LTBP4: variants seen among roughly 807,000 people sequenced by gnomAD.
The protein encoded by LTBP4 is latent-transforming growth factor beta-binding protein 4.
Under a neutral mutation model 180.2 loss-of-function variants are expected in LTBP4, and 93 were observed. The observed-to-expected ratio is 0.52, with a 90% CI of 0.44 to 0.61. The LOEUF is 0.61. LTBP4 is among the 20% of genes least tolerant of loss of function. The pLI, the probability that LTBP4 is intolerant of heterozygous loss-of-function variation, is 0.00. For missense variants in LTBP4, 2,116 were observed against 2,256.5 expected (o/e 0.94, Z 1.26); for synonymous variants, 947 against 934.5 (o/e 1.01, Z -0.24).
chr19:40,616,590 A>G lies in LTBP4; in HGVS notation c.2813-299A>G, dbSNP rs10403467. On this transcript the variant is annotated intron_variant, in intron 19 of 29. Coordinates refer to ENST00000396819, the MANE Select transcript of LTBP4 (RefSeq NM_001042545.2). Reference sequence around the variant, plus strand: ...TCTACTAAAAATACAAAAATTAGCTAGGCATGATGGTGCATGCCTGTAGTC... The same window carrying G: ...TCTACTAAAAATACAAAAATTAGCTGGGCATGATGGTGCATGCCTGTAGTC... 0.48 allele frequency among the ~76,000 whole-genome samples: 72,592 copies of G among 151,980 alleles called. 18,030 individuals are homozygous for G. Among genetic ancestry groups the G allele is most frequent in the African/African-American group, 0.6 (24,846 of 41,462 alleles).
At chr19:40,618,511 G>A (rs1382940575) in intron 21 of LTBP4, among the ~76,000 whole-genome samples, 1 of 151,912 alleles carries the variant, frequency 6.6e-6, no homozygotes, top group East Asian at 1.9e-4. Flanking sequence ...TCCGCCCACC[G>A]TGGCCTCCTA....
In LTBP4 at chr19:40,611,443, C is replaced by CT. The variant is rs1362780661; in HGVS notation, c.2053+50dup. 3 of 1,562,948 alleles carry CT rather than the reference C, an allele frequency of 1.9e-6. No homozygotes were observed. The African/African-American group carries it at 4.1e-5, about 21-fold the overall frequency. ...ACTCCATCACTGTTTGCTGTGGAGA[C>CT]TGGAGAGAGATTATTGAGGGGCAGA... On this transcript the variant is annotated intron_variant, in intron 13 of 29. Coordinates refer to ENST00000396819, the MANE Select transcript of LTBP4 (RefSeq NM_001042545.2). This position sits in a 1 kb window ranked among gnomAD's most constrained non-coding sequence, Gnocchi z 4.4.
At chr19:40,596,601 G>A (rs1311462055), upstream of LTBP4, among the ~76,000 whole-genome samples, 1 of 152,152 alleles carries the variant, frequency 6.6e-6, no homozygotes, top group Non-Finnish European at 1.5e-5. Flanking sequence ...CAGATGGTGA[G>A]CCTGGAATCC....
chr19:40,624,189 T>C, intron 26 of LTBP4, 107 bp downstream of exon 26: 1 of 1,326,006 alleles, frequency 7.5e-7, no homozygotes. Flanking sequence ...CCACGCCCCA[T>C]GCTCCTGGCT....
chr19:40,622,550 C>T lies in LTBP4; in HGVS notation c.3367C>T (p.Pro1123Ser). The T allele has an allele frequency of 6.2e-7, 1 of 1,613,894 alleles. No homozygotes were observed. The highest frequency in any genetic ancestry group is 8.5e-7 in the Non-Finnish European group (1 of 1,179,864). Residue 1123 changes from proline (P) to serine (S), a missense_variant, in exon 23 of 30, where the codon CCG becomes TCG. Pro to Ser is a moderately conservative substitution (Grantham distance 74). Coordinates refer to ENST00000396819, the MANE Select transcript of LTBP4 (RefSeq NM_001042545.2). This position sits in a 1 kb window ranked among gnomAD's most constrained non-coding sequence, Gnocchi z 5.1. ...RRECYFDTAA[P>S]DACDNILARN... ...GGAGTGCTACTTTGACACAGCGGCC[C>T]CGGATGCATGTGACAACATCCTGGC...
At chr19:40,599,286 G>A, upstream of LTBP4, 4 of 1,613,802 alleles carry the variant, frequency 2.5e-6, no homozygotes, top group Non-Finnish European at 3.4e-6. Flanking sequence ...TATGAGTAGG[G>A]GGCAAAAGGG....
intron 8 of LTBP4, 29 bp downstream of exon 8, chr19:40,608,398 C>A (rs530151492): frequency 6.2e-7 from 1 of 1,608,326 alleles, no homozygotes; most frequent in Admixed American, 1.7e-5. Context: ...AAGTGGGTGC[C>A]ATCTTCAAGG....
At chr19:40,596,977 T>C (rs1599855268), upstream of LTBP4, among the ~76,000 whole-genome samples, 1 of 151,496 alleles carries the variant, frequency 6.6e-6, no homozygotes, top group Non-Finnish European at 1.5e-5. Context: ...AGTCCTAATT[T>C]CCCCCCACCG....
chr19:40,618,552 C>T (rs1021274510), intron 21 of LTBP4, among the ~76,000 whole-genome samples: 1 of 151,952 alleles, frequency 6.6e-6, no homozygotes, highest in Non-Finnish European at 1.5e-5. Flanking sequence ...TGAGCCACCA[C>T]GCCTGGCCTG....
chr19:40,596,281 T>C (rs1390747071), intron 1 of LTBP4, among the ~76,000 whole-genome samples: 1 of 151,984 alleles, frequency 6.6e-6, no homozygotes, highest in Non-Finnish European at 1.5e-5. Flanking sequence ...CAGGCTCACC[T>C]CAAACTCCTG....
Position 40,613,971 on chromosome 19 carries a change from C to T in LTBP4, c.2613C>T (p.Thr871=). The T allele has an allele frequency of 6.2e-7, 1 of 1,613,558 alleles. No individual in the cohort carries two copies. Among genetic ancestry groups the T allele is most frequent in the South Asian group, 1.1e-5 (1 of 91,062 alleles). The change falls in exon 18 of 30, where the codon ACC becomes ACT. Residue 871 remains threonine (T), a synonymous_variant. Coordinates refer to ENST00000396819, the MANE Select transcript of LTBP4 (RefSeq NM_001042545.2). The surrounding 1 kb of genome is among the most constrained non-coding windows in gnomAD (Gnocchi z 5.0). ...GCCAGAGCGGCATCTGTACCAACAC[C>T]GACGGCTCCTTCGAGTGCATCTGTC... is the stretch of plus-strand genomic sequence containing the variant. ...DLCQSGICTN[T]DGSFECICPP...
Position 40,625,931 on chromosome 19 carries a change from G to T in LTBP4, c.3907G>T (p.Ala1303Ser). The T allele has an allele frequency of 6.2e-7, 1 of 1,605,472 alleles. No individual in the cohort carries two copies. The change falls in exon 27 of 30, where the codon GCC (alanine) becomes TCC (serine). Residue 1303 changes from alanine to serine, a missense_variant. This residue lies in a region of LTBP4 where 488 missense variants were observed against 458.8 expected (regional missense o/e 1.06). Coordinates refer to ENST00000396819, the MANE Select transcript of LTBP4 (RefSeq NM_001042545.2). Reference protein sequence around the residue: ...VCSHPRLDRQATYTECCCLYG... With the variant: ...VCSHPRLDRQSTYTECCCLYG... ...CAGCCACCCTCGGCTGGACCGTCAG[G>T]CCACCTACACAGAGTGCTGCTGCCT...
At chr19:40,596,031 C>T (rs2081388414) in intron 1 of LTBP4, among the ~76,000 whole-genome samples, 2 of 147,446 alleles carry the variant, frequency 1.4e-5, no homozygotes, top group East Asian at 4.1e-4. Context: ...AACGATTCTC[C>T]TGCCTCAGCC....
At position 40,607,361 on chromosome 19, in the gene LTBP4, G is replaced by A. The variant is rs1315799131; in HGVS notation, c.992-4G>A. 9 of 1,546,144 alleles carry A rather than the reference G, an allele frequency of 5.8e-6. No homozygotes were observed. Among genetic ancestry groups the A allele is most frequent in the East Asian group, 2.5e-5 (1 of 39,788 alleles). ...CTGAAGGATTTCCTCCCTGCTCCTC[G>A]CAGCCCAACACGTGATCTCAGAGGC... On this transcript the variant is annotated splice_region_variant and splice_polypyrimidine_tract_variant and intron_variant, in intron 6 of 29. Transcript: ENST00000396819.
At chr19:40,594,690 C>CGAA (rs1246066940) in intron 1 of LTBP4, 18 of 152,366 alleles carry the variant, frequency 1.2e-4, no homozygotes, top group Admixed American at 1.2e-3. Context: ...GGACAGCCCA[C>CGAA]GAATAGCTGT....
chr19:40,601,893 T>G (rs1402215397), intron 1 of LTBP4, among the ~76,000 whole-genome samples: 5 of 151,944 alleles, frequency 3.3e-5, no homozygotes, highest in Non-Finnish European at 5.9e-5. Context: ...GCGCCAGCTT[T>G]CATGCTTTGC....
At chr19:40,627,929 TA>T (rs2081649490) in intron 29 of LTBP4, 72 bp downstream of exon 29, 32 of 1,495,590 alleles carry the variant, frequency 2.1e-5, no homozygotes, top group Middle Eastern at 2.1e-4. Flanking sequence ...AAGCCCTGAC[TA>T]GGGGGTGCTG....
chr19:40,597,318 C>T, upstream of LTBP4: 3 of 1,521,790 alleles, frequency 2.0e-6, no homozygotes, highest in Non-Finnish European at 2.6e-6. Flanking sequence ...CCTCCGCCGC[C>T]AGCCCCAGCC....
chr19:40,595,905 A>ATTTTTTTTTTTTT (rs60121587), intron 1 of LTBP4, among the ~76,000 whole-genome samples: 3 of 60,044 alleles, frequency 5.0e-5, no homozygotes, highest in Non-Finnish European at 8.4e-5. Context: ...TAATTTTTGG[A>ATTTTTTTTTTTTT]TTTTTTTTTT....
Sources: allele counts gnomAD v4.1 joint callset (sites outside exome capture counted in the v4.1 genomes callset), GRCh38; gene constraint gnomAD v4.1.1; regional missense constraint gnomAD v4.1.1; non-coding constraint Gnocchi (gnomAD v3.1); transcripts MANE v1.5; gene names NCBI Gene and HGNC (gene_info 2026-07-23, HGNC 2026-07-21).